MYO1D: variants seen among roughly 807,000 people sequenced by gnomAD.
MYO1D encodes myosin ID.
A neutral mutation model predicts 122.0 loss-of-function variants in MYO1D; 83 were observed. The observed-to-expected ratio is 0.68, with a 90% CI of 0.57 to 0.82. MYO1D has a LOEUF of 0.82. Ranked by LOEUF, MYO1D falls within the 40% of genes least tolerant of loss-of-function variation. MYO1D has a pLI of 0.00. For synonymous variants in MYO1D, 464 were observed against 446.9 expected (o/e 1.04, Z -0.48); for missense variants, 1,157 against 1,269.5 (o/e 0.91, Z 1.35).
chr17:32,868,014 G>A (rs1039435481), intron 1 of MYO1D, among the ~76,000 whole-genome samples: 1 of 151,760 alleles, frequency 6.6e-6, no homozygotes, highest in African/African-American at 2.4e-5. Context: ...GTGACATGCA[G>A]AATAAAATAG....
At chr17:32,869,075 T>G (rs2091156097) in intron 1 of MYO1D, among the ~76,000 whole-genome samples, 1 of 149,572 alleles carries the variant, frequency 6.7e-6, no homozygotes, top group South Asian at 2.1e-4. Flanking sequence ...AAAAATTAGC[T>G]GGGAGTGGTG....
At position 32,735,081 on chromosome 17, in the gene MYO1D, AACACACACACACAC is replaced by A. The variant is rs371150333; in HGVS notation, c.1746+3158_1746+3171del. The stretch of plus-strand genomic sequence containing the variant: ...GGGCAACAAAGCAAGATTCCATCTG[AACACACACACACAC>A]ACACACACACACACACACACACACA... On this transcript the variant is annotated intron_variant, in intron 14 of 21. Transcript: ENST00000318217. Among the ~76,000 whole-genome samples, 429 of 138,074 alleles carry A rather than the reference AACACACACACACAC, an allele frequency of 3.1e-3. 1 individual carries two copies. Among genetic ancestry groups the A allele is most frequent in the South Asian group, 0.014 (56 of 3,948 alleles). 90.6% of individuals were successfully genotyped at this position (138,074 alleles called of 152,430 possible).
chr17:32,713,459 A>C (rs8064387), intron 15 of MYO1D, among the ~76,000 whole-genome samples: 2,211 of 152,130 alleles, frequency 0.015, 41 homozygotes, highest in African/African-American at 0.048. Flanking sequence ...TGTTTTTCCT[A>C]ATTCTTTTCT....
At chr17:32,850,371 A>G (rs1443355862) in intron 1 of MYO1D, among the ~76,000 whole-genome samples, 4 of 152,210 alleles carry the variant, frequency 2.6e-5, no homozygotes, top group African/African-American at 9.7e-5. Context: ...CCATCCTCCA[A>G]CACATCACAC....
At chr17:32,848,027 T>G (rs1412543343) in intron 1 of MYO1D, among the ~76,000 whole-genome samples, 1 of 152,196 alleles carries the variant, frequency 6.6e-6, no homozygotes, top group Non-Finnish European at 1.5e-5. Context: ...CTTCTGTCAT[T>G]CTGTTTCAGA....
chr17:32,691,972 C>T (rs1364166624), intron 16 of MYO1D, among the ~76,000 whole-genome samples: 3 of 152,008 alleles, frequency 2.0e-5, no homozygotes, highest in Non-Finnish European at 4.4e-5. Flanking sequence ...TTTTCTTCTT[C>T]TGTGGTCTGA....
chr17:32,641,378 T>C (rs1168402482), intron 19 of MYO1D, among the ~76,000 whole-genome samples: 1 of 152,130 alleles, frequency 6.6e-6, no homozygotes, highest in African/African-American at 2.4e-5. Flanking sequence ...CTATTGTGAA[T>C]AGTGCCACAA....
intron 11 of MYO1D, among the ~76,000 whole-genome samples, chr17:32,751,067 T>A (rs969523874): frequency 1.3e-5 from 2 of 152,102 alleles, no homozygotes; most frequent in African/African-American, 4.8e-5. Flanking sequence ...GGTTTTAGAT[T>A]TTTCTTTATT....
intron 1 of MYO1D, among the ~76,000 whole-genome samples, chr17:32,813,648 A>C (rs1195760182): frequency 6.6e-6 from 1 of 152,214 alleles, no homozygotes; most frequent in African/African-American, 2.4e-5. Context: ...ACAGTAAAGG[A>C]AAGGAAAACT....
At chr17:32,876,709 G>T in intron 1 of MYO1D, 69 bp downstream of exon 1, 3 of 1,325,248 alleles carry the variant, frequency 2.3e-6, no homozygotes, top group Middle Eastern at 1.9e-4. Flanking sequence ...GGATCCGGCC[G>T]CGCCCCGAGG....
chr17:32,654,979 C>T (rs1480526934), intron 17 of MYO1D, among the ~76,000 whole-genome samples: 1 of 152,050 alleles, frequency 6.6e-6, no homozygotes, highest in East Asian at 1.9e-4. Flanking sequence ...CGCCTGGGCT[C>T]CATGCATTCT....
At chr17:32,687,981 A>G (rs556872469) in intron 16 of MYO1D, among the ~76,000 whole-genome samples, 15 of 152,198 alleles carry the variant, frequency 9.9e-5, no homozygotes, top group African/African-American at 3.1e-4. Flanking sequence ...AAATTAATAA[A>G]TGATCTAAGA....
intron 1 of MYO1D, among the ~76,000 whole-genome samples, chr17:32,785,435 C>T (rs767596240): frequency 6.6e-6 from 1 of 152,172 alleles, no homozygotes; most frequent in Non-Finnish European, 1.5e-5. Flanking sequence ...ACTGATTTGG[C>T]CTGTCTTCCT....
chr17:32,626,569 T>C (rs1485400510), intron 20 of MYO1D, among the ~76,000 whole-genome samples: 1 of 152,228 alleles, frequency 6.6e-6, no homozygotes, highest in Middle Eastern at 3.2e-3. Flanking sequence ...GACTCTACTT[T>C]GTGCCCAAAA....
intron 1 of MYO1D, among the ~76,000 whole-genome samples, chr17:32,832,094 A>G (rs745624471): frequency 4.0e-5 from 6 of 151,778 alleles, no homozygotes; most frequent in Admixed American, 2.6e-4. Context: ...CATGTATAAT[A>G]TGGGGGTTTT....
At chr17:32,523,114 C>T (rs4795704) in intron 21 of MYO1D, among the ~76,000 whole-genome samples, 76,829 of 152,072 alleles carry the variant, frequency 0.51, 19,838 homozygotes, top group Middle Eastern at 0.57. Flanking sequence ...CACGCCTGGC[C>T]CCCCATGCCT....
At chr17:32,553,781 CA>C (rs1182600080) in intron 21 of MYO1D, among the ~76,000 whole-genome samples, 2 of 152,094 alleles carry the variant, frequency 1.3e-5, no homozygotes, top group Non-Finnish European at 1.5e-5. Context: ...TCTTCTTCTC[CA>C]CACATGGCTT....
At chr17:32,604,531 T>C (rs6505305) in intron 21 of MYO1D, among the ~76,000 whole-genome samples, 45,779 of 152,080 alleles carry the variant, frequency 0.3, 7,131 homozygotes, top group South Asian at 0.37. Context: ...CTGCTCTCTG[T>C]TTATATTTAT....
intron 1 of MYO1D, among the ~76,000 whole-genome samples, chr17:32,856,688 C>T (rs1488653227): frequency 2.6e-5 from 4 of 152,172 alleles, no homozygotes; most frequent in Admixed American, 2.0e-4. Flanking sequence ...TTCTTCCAAC[C>T]TCCATGGACA....
Sources: allele counts gnomAD v4.1 joint callset (sites outside exome capture counted in the v4.1 genomes callset), GRCh38; gene constraint gnomAD v4.1.1; transcripts MANE v1.5; gene names NCBI Gene and HGNC (gene_info 2026-07-23, HGNC 2026-07-21).